Variants in RANBP17 observed in about 807,000 individuals in gnomAD.
The protein encoded by RANBP17 is ran-binding protein 17.
In RANBP17, 158 loss-of-function variants were observed where a neutral mutation model predicts 141.2. The observed-to-expected ratio is 1.12, with a 90% CI of 0.98 to 1.28. The LOEUF (loss-of-function observed/expected upper bound fraction) is 1.28, where lower values mean the gene tolerates loss of function less well. RANBP17 is among the 50% of genes most tolerant of loss of function. The probability of loss-of-function intolerance (pLI) is 0.00; values close to 1 mark genes in which losing one functional copy is unlikely to be tolerated. For missense variants in RANBP17, 1,438 were observed against 1,290.7 expected, an observed-to-expected ratio of 1.11 and a Z score of -1.75; for synonymous variants, 430 against 450.0, an observed-to-expected ratio of 0.96 and a Z score of 0.56.
intron 24 of RANBP17, among the ~76,000 whole-genome samples, chr5:171,254,454 C>A (rs1431569242): frequency 6.6e-6 from 1 of 152,114 alleles, no homozygotes; most frequent in Non-Finnish European, 1.5e-5. Flanking sequence ...ATAACCCTAG[C>A]AGCCTGGATA....
In RANBP17 at chr5:171,242,812, C is replaced by T. The variant is rs1336804746; in HGVS notation, c.2768C>T (p.Thr923Ile). ...YVLTSISEGL[T>I]TLDTVVSSSC... The stretch of plus-strand genomic sequence containing the variant: ...CTCACATCTATCTCAGAGGGACTCA[C>T]TACTCTTGGTAAGGATCATAGAGGA... Residue 923 changes from threonine (T) to isoleucine (I), a missense_variant, in exon 24 of 28, where the codon ACT becomes ATT. Physicochemically the swap from Thr to Ile is moderately conservative, Grantham distance 89. Transcript: ENST00000523189. The T allele has an allele frequency of 1.2e-6, 2 of 1,613,598 alleles. No individual in the cohort carries two copies. Among genetic ancestry groups the T allele is most frequent in the Non-Finnish European group, 1.7e-6 (2 of 1,179,646 alleles).
At chr5:171,025,539 G>C (rs993350861) in intron 14 of RANBP17, among the ~76,000 whole-genome samples, 1 of 150,150 alleles carries the variant, frequency 6.7e-6, no homozygotes, top group African/African-American at 2.4e-5. Context: ...CCTCCTCTTA[G>C]GTTCTCATAT....
chr5:171,187,407 G>A (rs778430862), intron 18 of RANBP17, among the ~76,000 whole-genome samples: 30 of 151,464 alleles, frequency 2.0e-4, no homozygotes, highest in Non-Finnish European at 3.8e-4. Flanking sequence ...CAATAGAATT[G>A]TTCGACTCAG....
In RANBP17 at chr5:170,862,053, T is replaced by G; in HGVS notation, c.18+2T>G. ...GGGAAGATGGCGCTGCACTTCCAGG[T>G]CAGTGTGCTCTGCGCCGCGGGCCCG... On this transcript the variant is annotated splice_donor_variant, in intron 1 of 27. Coordinates refer to ENST00000523189, the MANE Select transcript of RANBP17 (RefSeq NM_022897.5). LOFTEE classifies it high-confidence loss of function. 6.8e-7 allele frequency: 1 copy of G among 1,461,464 alleles called. No homozygotes were observed. The highest frequency in any genetic ancestry group is 9.0e-7 in the Non-Finnish European group (1 of 1,113,710). The allele number at this position is 1,461,464 out of a possible 1,614,324, so 90.5% of individuals were successfully genotyped here. A position where few individuals can be genotyped will look rare whatever the true frequency, so the allele number is the denominator to read the frequency against.
intron 3 of RANBP17, among the ~76,000 whole-genome samples, chr5:170,886,212 A>C (rs1769130723): frequency 6.6e-6 from 1 of 152,182 alleles, no homozygotes; most frequent in South Asian, 2.1e-4. Context: ...TAATGTCCTC[A>C]TTGAACTCAT....
intron 14 of RANBP17, among the ~76,000 whole-genome samples, chr5:171,060,395 G>A (rs1483925629): frequency 2.0e-5 from 3 of 151,868 alleles, no homozygotes; most frequent in African/African-American, 7.3e-5. Context: ...TTTGTCAAAG[G>A]CCTTTTTTGC....
intron 5 of RANBP17, among the ~76,000 whole-genome samples, chr5:170,899,798 G>A (rs558991458): frequency 2.2e-4 from 33 of 152,264 alleles, no homozygotes; most frequent in South Asian, 6.2e-4. Flanking sequence ...CATTGGTTCT[G>A]TTTATGTGAT....
chr5:170,866,762 C>T (rs1379308964), intron 1 of RANBP17: 1 of 151,682 alleles, frequency 6.6e-6, no homozygotes, highest in East Asian at 1.9e-4. Flanking sequence ...TTATATCTTT[C>T]TAGATTTCCA....
At chr5:171,063,820 T>C (rs574523817) in intron 14 of RANBP17, among the ~76,000 whole-genome samples, 9 of 152,286 alleles carry the variant, frequency 5.9e-5, no homozygotes, top group Middle Eastern at 3.4e-3. Context: ...CTCCACCCAG[T>C]TCGAGCTTCC....
At chr5:171,270,154 T>C (rs1437538316) in intron 25 of RANBP17, among the ~76,000 whole-genome samples, 1 of 152,198 alleles carries the variant, frequency 6.6e-6, no homozygotes, top group Non-Finnish European at 1.5e-5. Flanking sequence ...GGGAAAGATA[T>C]TTTATGTGCC....
chr5:170,987,069 A>C (rs1235400995), intron 14 of RANBP17, among the ~76,000 whole-genome samples: 1 of 151,858 alleles, frequency 6.6e-6, no homozygotes, highest in Admixed American at 6.6e-5. Context: ...TCCTAAACAA[A>C]TTGTTTCATA....
chr5:171,233,129 G>A (rs1764308529), intron 22 of RANBP17, among the ~76,000 whole-genome samples: 1 of 152,100 alleles, frequency 6.6e-6, no homozygotes, highest in Non-Finnish European at 1.5e-5. Flanking sequence ...CTTGAGCCCA[G>A]GAGTTTGAGA....
intron 14 of RANBP17, among the ~76,000 whole-genome samples, chr5:171,056,997 T>C (rs1266594158): frequency 3.3e-5 from 5 of 152,172 alleles, no homozygotes; most frequent in Non-Finnish European, 7.4e-5. Context: ...ACTTTCACCT[T>C]TGCGTTAGTG....
chr5:170,897,132 C>T (rs559170426), intron 5 of RANBP17: 2 of 827,726 alleles, frequency 2.4e-6, no homozygotes, highest in East Asian at 3.3e-5. Flanking sequence ...CTGCAGGGAC[C>T]ACTGAGAGAT....
chr5:170,886,286 C>T (rs994472473), intron 3 of RANBP17, among the ~76,000 whole-genome samples: 1 of 152,100 alleles, frequency 6.6e-6, no homozygotes, highest in Non-Finnish European at 1.5e-5. Flanking sequence ...ATTCCCTTAC[C>T]GGCAAGGTAC....
At chr5:171,202,861 T>G (rs977758281) in intron 19 of RANBP17, among the ~76,000 whole-genome samples, 1 of 152,150 alleles carries the variant, frequency 6.6e-6, no homozygotes, top group African/African-American at 2.4e-5. Flanking sequence ...ATAGTAGAAT[T>G]ATGAGGATAA....
At chr5:171,080,427 T>C (rs986881265) in intron 14 of RANBP17, among the ~76,000 whole-genome samples, 10 of 152,226 alleles carry the variant, frequency 6.6e-5, no homozygotes, top group Non-Finnish European at 1.2e-4. Context: ...GCAACTCTTT[T>C]TTGTGAATTG....
chr5:170,991,279 A>G (rs866780422), intron 14 of RANBP17, among the ~76,000 whole-genome samples: 3 of 152,088 alleles, frequency 2.0e-5, no homozygotes, highest in Middle Eastern at 3.4e-3. Flanking sequence ...GATTGTACCA[A>G]ATGCCTCTCA....
intron 13 of RANBP17, among the ~76,000 whole-genome samples, chr5:170,967,054 G>C (rs145626922): frequency 2.6e-5 from 4 of 151,978 alleles, no homozygotes; most frequent in East Asian, 1.9e-4. Flanking sequence ...AGGATACAAA[G>C]AAATGGAAGA....
Sources: allele counts gnomAD v4.1 joint callset (sites outside exome capture counted in the v4.1 genomes callset), GRCh38; gene constraint gnomAD v4.1.1; transcripts MANE v1.5; gene names NCBI Gene and HGNC (gene_info 2026-07-23, HGNC 2026-07-21).